Variants in SMARCA2 observed in about 807,000 individuals in gnomAD.
SMARCA2 encodes SWI/SNF-related matrix-associated actin-dependent regulator of chromatin subfamily A member 2.
Under a neutral mutation model 199.8 loss-of-function variants are expected in SMARCA2, and 61 were observed. The ratio of observed to expected loss-of-function variants is 0.31; its 90% CI spans 0.25 to 0.38. The LOEUF is 0.38. SMARCA2 is among the 10% of genes least tolerant of loss of function. The pLI is 1.00. For missense variants in SMARCA2, 1,344 were observed against 2,012.2 expected (o/e 0.67, Z 6.35); for synonymous variants, 935 against 732.0 (o/e 1.28, Z -4.48).
At chr9:2,165,423 C>T (rs969188884) in intron 28 of SMARCA2, among the ~76,000 whole-genome samples, 2 of 152,108 alleles carry the variant, frequency 1.3e-5, no homozygotes, top group Admixed American at 6.5e-5. Context: ...GAGGGTGCTT[C>T]TAAAAATCTG....
In SMARCA2 at chr9:2,119,631, T is replaced by G; in HGVS notation, c.3762+96T>G. 1 of 802,810 alleles carries G rather than the reference T, an allele frequency of 1.2e-6. No individual in the cohort carries two copies. The highest frequency in any genetic ancestry group is 2.1e-6 in the Non-Finnish European group (1 of 471,784). The allele number at this position is 802,810 out of a possible 1,614,324, so 49.7% of individuals were successfully genotyped here. A position where few individuals can be genotyped will look rare whatever the true frequency, so the allele number is the denominator to read the frequency against. ...TGCAGCCTGCGTGCCTGGCAGAACTTCATACGTAAAGCCTATGCCTTTCCT... is the reference window on the plus strand; with the variant it reads ...TGCAGCCTGCGTGCCTGGCAGAACTGCATACGTAAAGCCTATGCCTTTCCT... On this transcript the variant is annotated intron_variant, in intron 26 of 33. Transcript: ENST00000349721. The surrounding 1 kb of genome is among the most constrained non-coding windows in gnomAD (Gnocchi z 4.6).
chr9:2,084,370 C>CTGTGTGTG lies in SMARCA2; in HGVS notation c.2526+214_2526+221dup, dbSNP rs3057851. On this transcript the variant is annotated intron_variant, in intron 17 of 33. Coordinates refer to ENST00000349721, the MANE Select transcript of SMARCA2 (RefSeq NM_003070.5). Reference sequence around the variant, plus strand: ...GGTCGTGGATTTGATTTCATGCATGCTGTGTGTGTGTGTGTGTGTGTGTGT... The same window carrying CTGTGTGTG: ...GGTCGTGGATTTGATTTCATGCATGCTGTGTGTGTGTGTGTGTGTGTGTGTGTGTGTGT... 2.9e-3 allele frequency among the ~76,000 whole-genome samples: 389 copies of CTGTGTGTG among 132,408 alleles called. 4 individuals carry two copies. Among genetic ancestry groups the CTGTGTGTG allele is most frequent in the African/African-American group, 0.01 (347 of 34,410 alleles). The allele number at this position is 132,408 out of a possible 152,430, so 86.9% of individuals were successfully genotyped here.
intron 29 of SMARCA2, among the ~76,000 whole-genome samples, chr9:2,178,364 C>T (rs1187472088): frequency 2.0e-5 from 3 of 152,130 alleles, no homozygotes; most frequent in African/African-American, 7.2e-5. Context: ...CACAGGCCAT[C>T]AGTGGTCTTG....
At chr9:2,072,629 T>C (rs567942442) in intron 10 of SMARCA2, among the ~76,000 whole-genome samples, 8 of 152,346 alleles carry the variant, frequency 5.3e-5, no homozygotes, top group Admixed American at 5.2e-4. Flanking sequence ...GACTTTGCAA[T>C]AGTTGTTATC....
Position 2,032,852 on chromosome 9 carries a change from G to C in SMARCA2, c.226-100G>C. 4.6e-6 allele frequency: 5 copies of C among 1,076,252 alleles called. No homozygotes were observed. The South Asian group carries it at 7.8e-5, about 17-fold the overall frequency. The allele number at this position is 1,076,252 out of a possible 1,614,324, so 66.7% of individuals were successfully genotyped here. ...ACTCTAGAATGGGTAGTAGATGATA[G>C]TGCCACACTTTTAAAGAACTTAGGA... On this transcript the variant is annotated intron_variant, in intron 2 of 33. Coordinates refer to ENST00000349721, the MANE Select transcript of SMARCA2 (RefSeq NM_003070.5).
intron 32 of SMARCA2, 87 bp downstream of exon 32, chr9:2,186,315 G>A (rs186431531): frequency 1.9e-4 from 264 of 1,372,856 alleles, no homozygotes; most frequent in Admixed American, 3.3e-4. Flanking sequence ...AGAGACTTTA[G>A]AGTGGGGCAG....
intron 1 of SMARCA2, among the ~76,000 whole-genome samples, chr9:2,018,403 A>T (rs181168313): frequency 6.6e-6 from 1 of 152,140 alleles, no homozygotes; most frequent in Non-Finnish European, 1.5e-5. Flanking sequence ...GCTTTGGAAA[A>T]AGCAAAGCGA....
chr9:2,167,829 T>C (rs1207640060), intron 28 of SMARCA2, among the ~76,000 whole-genome samples: 1 of 152,144 alleles, frequency 6.6e-6, no homozygotes, highest in Non-Finnish European at 1.5e-5. Context: ...TTCCAGGTAC[T>C]TACCCCCACT....
intron 1 of SMARCA2, among the ~76,000 whole-genome samples, chr9:2,019,164 C>G (rs1365011009): frequency 6.6e-6 from 1 of 150,868 alleles, no homozygotes; most frequent in Non-Finnish European, 1.5e-5. Context: ...CCCAGTAGAT[C>G]AGAGGTCCGT....
At chr9:2,189,715 A>G (rs977314200) in intron 32 of SMARCA2, among the ~76,000 whole-genome samples, 2 of 152,076 alleles carry the variant, frequency 1.3e-5, no homozygotes, top group African/African-American at 2.4e-5. Flanking sequence ...TGGGTATAAT[A>G]GATAGAAGCC....
At chr9:2,164,993 A>G (rs1825866787) in intron 28 of SMARCA2, among the ~76,000 whole-genome samples, 1 of 152,232 alleles carries the variant, frequency 6.6e-6, no homozygotes, top group Admixed American at 6.5e-5. Flanking sequence ...AGTAGGAGGC[A>G]CTCAAATTAG....
chr9:2,055,692 A>G lies in SMARCA2; in HGVS notation c.1173+969A>G, dbSNP rs369080511. Reference sequence around the variant, plus strand: ...TGGACATTAGTGGTGGGTAGGTGCTACTTGGCTCTTGGTTTGTGAGAGTAG... The same window carrying G: ...TGGACATTAGTGGTGGGTAGGTGCTGCTTGGCTCTTGGTTTGTGAGAGTAG... On this transcript the variant is annotated intron_variant, in intron 6 of 33. Transcript: ENST00000349721. 1.3e-4 allele frequency: 20 copies of G among 152,298 alleles called. No individual in the cohort carries two copies. In the East Asian group the frequency reaches 1.7e-3, roughly 13 times the overall value. The allele number at this position is 152,298 out of a possible 1,614,324, so 9.4% of individuals were successfully genotyped here. A position where few individuals can be genotyped will look rare whatever the true frequency, so the allele number is the denominator to read the frequency against.
chr9:2,094,078 A>T (rs1482720852), intron 19 of SMARCA2, among the ~76,000 whole-genome samples: 1 of 152,184 alleles, frequency 6.6e-6, no homozygotes, highest in Non-Finnish European at 1.5e-5. Flanking sequence ...CCCTCAAGGT[A>T]GAGTAGAGTT....
intron 4 of SMARCA2, 96 bp from the exon 5 acceptor site, chr9:2,047,133 T>G: frequency 3.3e-6 from 3 of 903,084 alleles, no homozygotes; most frequent in Non-Finnish European, 4.0e-6. Context: ...CACTTAATGG[T>G]CCCCAGCACT....
At chr9:2,135,222 C>A (rs892029697) in intron 27 of SMARCA2, among the ~76,000 whole-genome samples, 7 of 152,164 alleles carry the variant, frequency 4.6e-5, no homozygotes, top group Admixed American at 4.6e-4. Context: ...TGACACAGCT[C>A]AAGAAAAGAA....
chr9:2,047,330 C>G lies in SMARCA2; in HGVS notation c.892C>G (p.Pro298Ala). Residue 298 changes from proline to alanine, a missense_variant, in exon 5 of 34, where the codon CCC becomes GCC. Transcript: ENST00000349721. Reference sequence around the variant, plus strand: ...CGCGCCCCCCGCAGCCGCGCAGCCGCCCGCGGCCGCAGTGCCCGGGCCCTC... The same window carrying G: ...CGCGCCCCCCGCAGCCGCGCAGCCGGCCGCGGCCGCAGTGCCCGGGCCCTC... ...SPAPPAAAQP[P>A]AAAVPGPSVP... is the part of the protein sequence containing the mutation. The G allele has an allele frequency of 8.8e-7, 1 of 1,132,584 alleles. No homozygotes were observed. The highest frequency in any genetic ancestry group is 1.1e-6 in the Non-Finnish European group (1 of 913,710). The allele number at this position is 1,132,584 out of a possible 1,614,324, so 70.2% of individuals were successfully genotyped here.
intron 1 of SMARCA2, among the ~76,000 whole-genome samples, chr9:2,024,267 C>A (rs1818728697): frequency 6.6e-6 from 1 of 152,130 alleles, no homozygotes; most frequent in African/African-American, 2.4e-5. Context: ...TAATTCCTTT[C>A]TCTCCTGTAA....
intron 5 of SMARCA2, among the ~76,000 whole-genome samples, chr9:2,053,608 C>G (rs1003890694): frequency 2.0e-5 from 3 of 152,198 alleles, no homozygotes; most frequent in Non-Finnish European, 2.9e-5. Context: ...ATTAAAGGCA[C>G]TTAGTGCTGT....
chr9:2,147,643 C>T (rs767776085), intron 27 of SMARCA2, among the ~76,000 whole-genome samples: 3 of 152,028 alleles, frequency 2.0e-5, no homozygotes, highest in African/African-American at 7.3e-5. Flanking sequence ...GTCAGGAGTT[C>T]GAGACCAGCC....
Sources: gnomAD v4.1 joint callset for allele counts (sites outside exome capture counted in the v4.1 genomes callset) on GRCh38, gnomAD v4.1.1 for gene constraint, Gnocchi (gnomAD v3.1) non-coding constraint, MANE v1.5 for transcripts, NCBI Gene and HGNC (gene_info 2026-07-23, HGNC 2026-07-21) for gene names.